The following ADGRF5 variants were observed in gnomAD, a reference collection of about 807,000 sequenced individuals.
ADGRF5 encodes adhesion G protein-coupled receptor F5.
In ADGRF5, 75 loss-of-function variants were observed where a neutral mutation model predicts 132.3. The ratio of observed to expected loss-of-function variants is 0.57; its 90% CI spans 0.47 to 0.69. The LOEUF (loss-of-function observed/expected upper bound fraction) is 0.69. Ranked by LOEUF, ADGRF5 falls within the 30% of genes least tolerant of loss-of-function variation. ADGRF5 has a pLI of 0.00. For synonymous variants in ADGRF5, 629 were observed against 597.6 expected (o/e 1.05, Z -0.77); for missense variants, 1,516 against 1,630.6 (o/e 0.93, Z 1.21).
intron 4 of ADGRF5, 48 bp downstream of exon 4, chr6:46,888,287 C>A: frequency 7.3e-7 from 1 of 1,372,094 alleles, no homozygotes; most frequent in South Asian, 1.2e-5. Flanking sequence ...GACAGTCTGT[C>A]TCAAGACATC....
At chr6:46,870,029 G>A (rs951673353) in intron 11 of ADGRF5, among the ~76,000 whole-genome samples, 1 of 152,056 alleles carries the variant, frequency 6.6e-6, no homozygotes, top group African/African-American at 2.4e-5. Context: ...TTCTCTTTGA[G>A]TATATCTTTA....
chr6:46,907,485 G>GT (rs1775508942), intron 1 of ADGRF5, among the ~76,000 whole-genome samples: 1 of 151,982 alleles, frequency 6.6e-6, no homozygotes, highest in African/African-American at 2.4e-5. Flanking sequence ...GATTACAGAC[G>GT]TAAGTCATCA....
At position 46,900,016 on chromosome 6, in the gene ADGRF5, A is replaced by C. The variant is rs760074476; in HGVS notation, c.157+13T>G. On this transcript the variant is annotated intron_variant, in intron 3 of 20. Transcript: ENST00000283296. ...AACTTATAAAAGGGATTGCCAAGCA[A>C]GAGTTTACATACCGGCTCGTTTTTG... The C allele has an allele frequency of 5.0e-6, 8 of 1,589,278 alleles. No individual in the cohort carries two copies. The highest frequency in any genetic ancestry group is 6.0e-6 in the Non-Finnish European group (7 of 1,157,204).
intron 1 of ADGRF5, among the ~76,000 whole-genome samples, chr6:46,949,552 C>A (rs192099433): frequency 6.6e-6 from 1 of 152,224 alleles, no homozygotes; most frequent in African/African-American, 2.4e-5. Context: ...TTCCAGCCAG[C>A]TTTCTTCTCT....
intron 1 of ADGRF5, among the ~76,000 whole-genome samples, chr6:46,919,305 G>A (rs1007726782): frequency 6.6e-6 from 1 of 152,172 alleles, no homozygotes; most frequent in Non-Finnish European, 1.5e-5. Flanking sequence ...AAAATTCATT[G>A]TGCCATTGAG....
intron 1 of ADGRF5, among the ~76,000 whole-genome samples, chr6:46,935,671 C>G (rs1305848078): frequency 6.6e-6 from 1 of 152,168 alleles, no homozygotes; most frequent in African/African-American, 2.4e-5. Context: ...CTAATGTTGC[C>G]TTTCTCCTTT....
intron 3 of ADGRF5, among the ~76,000 whole-genome samples, chr6:46,890,909 A>C (rs1359382341): frequency 6.6e-6 from 1 of 152,238 alleles, no homozygotes; most frequent in Non-Finnish European, 1.5e-5. Context: ...ATACTAAAAT[A>C]GAGTAAGTTT....
At chr6:46,928,577 C>T (rs1777376290) in intron 1 of ADGRF5, among the ~76,000 whole-genome samples, 1 of 152,162 alleles carries the variant, frequency 6.6e-6, no homozygotes, top group Non-Finnish European at 1.5e-5. Flanking sequence ...GTAATCTCCA[C>T]TCTTCTCTCA....
intron 1 of ADGRF5, among the ~76,000 whole-genome samples, chr6:46,929,290 AATGAGAACAC>A (rs1777421631): frequency 6.6e-6 from 1 of 152,066 alleles, no homozygotes; most frequent in Non-Finnish European, 1.5e-5. Context: ...AGAATTGAAC[AATGAGAACAC>A]ATGGACACAG....
rs10577 is a variant in ADGRF5 at position 46,853,162 on chromosome 6, G to A, written c.*830C>T. 0.59 allele frequency: 89,944 copies of A among 152,196 alleles called. 29,222 individuals carry two copies. The highest frequency in any genetic ancestry group is 0.73 in the Non-Finnish European group (49,444 of 67,982). The allele number at this position is 152,196 out of a possible 1,614,324, so 9.4% of individuals were successfully genotyped here. On this transcript the variant is annotated 3_prime_UTR_variant, in exon 21 of 21. Coordinates refer to ENST00000283296, the MANE Select transcript of ADGRF5 (RefSeq NM_001098518.2). ...CACTTGGATCTAATGACATATCTTTGTAATACTTCCTCTGCAGATACATTC... is the reference window on the plus strand; with the variant it reads ...CACTTGGATCTAATGACATATCTTTATAATACTTCCTCTGCAGATACATTC...
chr6:46,888,549 G>A (rs746988500), intron 3 of ADGRF5, 44 bp from the exon 4 acceptor site: 2 of 1,314,848 alleles, frequency 1.5e-6, no homozygotes, highest in South Asian at 1.2e-5. Context: ...TACCATGGGA[G>A]ATGGAGTAAG....
At chr6:46,874,797 C>T (rs1202306042) in intron 10 of ADGRF5, among the ~76,000 whole-genome samples, 1 of 152,228 alleles carries the variant, frequency 6.6e-6, no homozygotes, top group Non-Finnish European at 1.5e-5. Flanking sequence ...CCACTTTGGT[C>T]TGCTTTACAC....
rs531315810 is a variant in ADGRF5 at position 46,898,075 on chromosome 6, T to C, written c.157+1954A>G. ...TCATGTTGATTTAACATTGTCATGA[T>C]TGTTTTTAATGAAAGCACACCTGGA... On this transcript the variant is annotated intron_variant, in intron 3 of 20. Transcript: ENST00000283296. Among the ~76,000 whole-genome samples the C allele has an allele frequency of 1.1e-4, 17 of 152,350 alleles. 1 individual carries two copies. The South Asian group carries it at 3.5e-3, about 32-fold the overall frequency.
chr6:46,944,809 C>A (rs1025581732), intron 1 of ADGRF5, among the ~76,000 whole-genome samples: 1 of 152,074 alleles, frequency 6.6e-6, no homozygotes. Flanking sequence ...TGTAGCATAC[C>A]ATCTGCCACC....
At chr6:46,863,156 T>C in intron 14 of ADGRF5, 60 bp from the exon 15 acceptor site, 1 of 1,276,652 alleles carries the variant, frequency 7.8e-7, no homozygotes, top group Non-Finnish European at 1.1e-6. Context: ...ATAGTAGAAA[T>C]ACGGTCAGGC....
chr6:46,942,237 A>G (rs1778116618), intron 1 of ADGRF5, among the ~76,000 whole-genome samples: 1 of 152,036 alleles, frequency 6.6e-6, no homozygotes, highest in Non-Finnish European at 1.5e-5. Context: ...GGGCTCCTCC[A>G]CTGTCCTGTG....
chr6:46,857,003 T>C, intron 17 of ADGRF5, 95 bp from the exon 18 acceptor site: 1 of 942,146 alleles, frequency 1.1e-6, no homozygotes, highest in Non-Finnish European at 1.7e-6. Context: ...AAATTTGTAC[T>C]ACTTCTTTTT....
intron 10 of ADGRF5, among the ~76,000 whole-genome samples, chr6:46,872,694 C>T (rs967385413): frequency 1.9e-4 from 29 of 152,082 alleles, no homozygotes. Context: ...CCATGCCCTC[C>T]ATGCCATCTT....
intron 3 of ADGRF5, among the ~76,000 whole-genome samples, chr6:46,894,452 T>C (rs1024937679): frequency 6.6e-6 from 1 of 152,060 alleles, no homozygotes; most frequent in Non-Finnish European, 1.5e-5. Flanking sequence ...GAGAATTCAT[T>C]CCACTAGATA....
Sources: gnomAD v4.1 joint callset for allele counts (sites outside exome capture counted in the v4.1 genomes callset) on GRCh38, gnomAD v4.1.1 for gene constraint, MANE v1.5 for transcripts, NCBI Gene and HGNC (gene_info 2026-07-23, HGNC 2026-07-21) for gene names.